LINGO2: variants seen among roughly 807,000 people sequenced by gnomAD.
LINGO2 encodes the protein leucine-rich repeat and immunoglobulin-like domain-containing nogo receptor-interacting protein 2.
LINGO2 carries 14 observed loss-of-function variants against 30.6 expected under a neutral mutation model. That is an observed-to-expected ratio of 0.46 (90% confidence interval 0.30 to 0.72). The LOEUF (loss-of-function observed/expected upper bound fraction) is 0.72. LINGO2 is among the 30% of genes least tolerant of loss of function. LINGO2 has a pLI of 0.07. For missense variants in LINGO2, 729 were observed against 751.7 expected (o/e 0.97, Z 0.35); for synonymous variants, 317 against 288.5 (o/e 1.10, Z -1.00).
the LINGO2 span, among the ~76,000 whole-genome samples, chr9:29,055,320 A>T: frequency 2.6e-5 from 4 of 152,208 alleles, no homozygotes; most frequent in African/African-American, 7.2e-5. Flanking sequence ...TATAAAAGAG[A>T]AATAGAAAAA....
the LINGO2 span, among the ~76,000 whole-genome samples, chr9:28,709,641 G>T: frequency 6.6e-6 from 1 of 151,886 alleles, no homozygotes; most frequent in Non-Finnish European, 1.5e-5. Flanking sequence ...AGAAATGCTT[G>T]CACAAAGAAT....
chr9:28,354,024 G>T (rs1820043015), intron 3 of LINGO2, among the ~76,000 whole-genome samples: 1 of 152,110 alleles, frequency 6.6e-6, no homozygotes, highest in African/African-American at 2.4e-5. Context: ...AGGGGGCAGG[G>T]ATAGCATCGG....
intron 4 of LINGO2, among the ~76,000 whole-genome samples, chr9:28,275,187 G>A (rs1331455054): frequency 6.6e-6 from 1 of 152,006 alleles, no homozygotes; most frequent in Admixed American, 6.6e-5. Flanking sequence ...TCCTGCCTCA[G>A]CCTCCCGAGT....
chr9:28,023,830 C>A (rs949989473), intron 4 of LINGO2, among the ~76,000 whole-genome samples: 1 of 152,086 alleles, frequency 6.6e-6, no homozygotes, highest in African/African-American at 2.4e-5. Context: ...AAGTATGGGG[C>A]CCCCTAAGAT....
chr9:28,452,377 C>T (rs1824681599), intron 2 of LINGO2, among the ~76,000 whole-genome samples: 1 of 151,694 alleles, frequency 6.6e-6, no homozygotes, highest in Admixed American at 6.6e-5. Context: ...ATGTGTGAAA[C>T]ATGTATTTCA....
chr9:28,540,210 T>C (rs539751571), intron 1 of LINGO2, among the ~76,000 whole-genome samples: 1 of 152,098 alleles, frequency 6.6e-6, no homozygotes, highest in African/African-American at 2.4e-5. Context: ...TTATACCATT[T>C]TTCAGTTCAT....
chr9:28,700,139 A>G, the LINGO2 span, among the ~76,000 whole-genome samples: 1 of 151,800 alleles, frequency 6.6e-6, no homozygotes, highest in Non-Finnish European at 1.5e-5. Context: ...TCATGGTCCT[A>G]CCTATAAGTG....
rs185403820 is a variant in LINGO2 at position 28,498,858 on chromosome 9, G to A, written c.-364-22833C>T. 3.7e-3 allele frequency among the ~76,000 whole-genome samples: 565 copies of A among 151,984 alleles called. 4 individuals are homozygous for A. Among genetic ancestry groups the A allele is most frequent in the African/African-American group, 0.013 (524 of 41,480 alleles). ...GGTGTCTAGTGCATGAAAGATATAA[G>A]ACCATAAAAATATAAGACTATATAA... On this transcript the variant is annotated intron_variant, in intron 1 of 5. Coordinates refer to ENST00000379992, the Ensembl canonical transcript of LINGO2.
chr9:28,007,714 T>G (rs952575305), intron 5 of LINGO2, among the ~76,000 whole-genome samples: 2 of 152,052 alleles, frequency 1.3e-5, no homozygotes, highest in Admixed American at 1.3e-4. Context: ...CATCAGTGGT[T>G]TCCTAAATGT....
the LINGO2 span, among the ~76,000 whole-genome samples, chr9:28,714,414 A>G: frequency 6.6e-6 from 1 of 151,876 alleles, no homozygotes; most frequent in African/African-American, 2.4e-5. Context: ...TTTGCACTAA[A>G]TCTGCCAGTT....
the LINGO2 span, among the ~76,000 whole-genome samples, chr9:28,969,900 TA>T: frequency 6.6e-6 from 1 of 152,218 alleles, no homozygotes; most frequent in African/African-American, 2.4e-5. Context: ...TGTTTCTTTG[TA>T]ATGAGTTTAG....
At chr9:27,950,341 G>A (rs139845137) in exon 6 of LINGO2, 41 of 1,614,000 alleles carry the variant, frequency 2.5e-5, no homozygotes, top group Non-Finnish European at 3.2e-5. Flanking sequence ...CCTTTTAGGC[G>A]GAGGGAACGC....
the LINGO2 span, among the ~76,000 whole-genome samples, chr9:28,709,903 C>T: frequency 2.4e-3 from 362 of 151,892 alleles, 2 homozygotes; most frequent in African/African-American, 8.4e-3. Context: ...GGCTATTGCA[C>T]CTATGATTTA....
intron 2 of LINGO2, among the ~76,000 whole-genome samples, chr9:28,376,589 G>C (rs1163794182): frequency 6.6e-6 from 1 of 152,156 alleles, no homozygotes. Context: ...CCTTGACCAA[G>C]ACAGGTTATT....
chr9:28,170,895 C>T (rs1587132174), intron 4 of LINGO2, among the ~76,000 whole-genome samples: 1 of 152,176 alleles, frequency 6.6e-6, no homozygotes, highest in Non-Finnish European at 1.5e-5. Context: ...ATCTTAATGA[C>T]ATCTGCAAAG....
chr9:28,221,085 G>A (rs1820942209), intron 4 of LINGO2, among the ~76,000 whole-genome samples: 1 of 152,056 alleles, frequency 6.6e-6, no homozygotes, highest in Non-Finnish European at 1.5e-5. Flanking sequence ...GGATCACGAG[G>A]TCAGGAGATC....
intron 1 of LINGO2, among the ~76,000 whole-genome samples, chr9:28,525,934 C>T (rs10757756): frequency 0.55 from 83,120 of 150,874 alleles, 23,932 homozygotes; most frequent in African/African-American, 0.73. Flanking sequence ...CGGGCGCTTG[C>T]AGTCCCAGCT....
chr9:28,863,958 C>T, the LINGO2 span, among the ~76,000 whole-genome samples: 1 of 151,974 alleles, frequency 6.6e-6, no homozygotes, highest in Admixed American at 6.6e-5. Context: ...AATACAATAA[C>T]TAGCATGACA....
chr9:28,447,634 A>G (rs1824478355), intron 2 of LINGO2, among the ~76,000 whole-genome samples: 1 of 152,184 alleles, frequency 6.6e-6, no homozygotes, highest in South Asian at 2.1e-4. Context: ...AAACTAATAG[A>G]TGTTTCAAAA....
Sources: gnomAD v4.1 joint callset for allele counts (sites outside exome capture counted in the v4.1 genomes callset) on GRCh38, gnomAD v4.1.1 for gene constraint, MANE v1.5 for transcripts, NCBI Gene and HGNC (gene_info 2026-07-23, HGNC 2026-07-21) for gene names.